ADGRL3: variants seen among roughly 807,000 people sequenced by gnomAD.
ADGRL3 encodes calcium-independent alpha-latrotoxin receptor 3.
ADGRL3 carries 62 observed loss-of-function variants against 153.5 expected under a neutral mutation model. That is an observed-to-expected ratio of 0.40 (90% CI 0.33 to 0.50). The LOEUF (loss-of-function observed/expected upper bound fraction) is 0.50. ADGRL3 is among the 20% of genes least tolerant of loss of function. The pLI is 0.47. For synonymous variants in ADGRL3, 710 were observed against 672.5 expected, an observed-to-expected ratio of 1.06 and a Z score of -0.86; for missense variants, 1,641 against 1,859.4, an observed-to-expected ratio of 0.88 and a Z score of 2.16.
chr4:61,919,890 C>G (rs1474252606), intron 13 of ADGRL3, among the ~76,000 whole-genome samples: 1 of 152,140 alleles, frequency 6.6e-6, no homozygotes, highest in Non-Finnish European at 1.5e-5. Context: ...ACAAATGTTC[C>G]AGCTGCTGTT....
At chr4:61,648,384 C>T (rs114598921) in intron 5 of ADGRL3, among the ~76,000 whole-genome samples, 2,364 of 125,876 alleles carry the variant, frequency 0.019, 63 homozygotes, top group African/African-American at 0.066. Flanking sequence ...TTGAAGACAA[C>T]CCTCAATGAG....
Position 61,400,122 on chromosome 4 carries a change from G to A in ADGRL3, c.-174+16933G>A, listed in dbSNP as rs183871914. 1.8e-3 allele frequency among the ~76,000 whole-genome samples: 273 copies of A among 151,730 alleles called. 2 individuals are homozygous for A. Among genetic ancestry groups the A allele is most frequent in the African/African-American group, 6.4e-3 (264 of 41,482 alleles). On this transcript the variant is annotated intron_variant, in intron 2 of 26. Transcript: ENST00000683033. ...CTGATTAAGAAAAAGGAGAAAAGAGGTTCAGTTGAGTTTTTAAACTGCAGT... is the reference window on the plus strand; with the variant it reads ...CTGATTAAGAAAAAGGAGAAAAGAGATTCAGTTGAGTTTTTAAACTGCAGT...
At chr4:61,805,409 A>G (rs768238445) in intron 8 of ADGRL3, among the ~76,000 whole-genome samples, 3 of 152,186 alleles carry the variant, frequency 2.0e-5, no homozygotes, top group Non-Finnish European at 2.9e-5. Flanking sequence ...CAGCAGGCCA[A>G]CTTCCTTGGC....
At chr4:61,573,255 G>A (rs576563849) in intron 4 of ADGRL3, among the ~76,000 whole-genome samples, 10 of 151,834 alleles carry the variant, frequency 6.6e-5, no homozygotes, top group East Asian at 1.9e-4. Flanking sequence ...GGAAAGTTTC[G>A]TATTTTTCCT....
chr4:61,814,277 T>A (rs1173883561), intron 9 of ADGRL3, among the ~76,000 whole-genome samples: 1 of 151,720 alleles, frequency 6.6e-6, no homozygotes, highest in Non-Finnish European at 1.5e-5. Flanking sequence ...ATTGACAGAT[T>A]TTTTTCCCCT....
intron 8 of ADGRL3, among the ~76,000 whole-genome samples, chr4:61,752,094 C>A (rs959173107): frequency 6.6e-6 from 1 of 152,050 alleles, no homozygotes; most frequent in Admixed American, 6.6e-5. Context: ...AATGTTATAA[C>A]CACTTGGAGA....
At chr4:61,581,255 A>G (rs1316925484) in intron 4 of ADGRL3, among the ~76,000 whole-genome samples, 1 of 151,886 alleles carries the variant, frequency 6.6e-6, no homozygotes, top group African/African-American at 2.4e-5. Context: ...TATTCATGAG[A>G]GGGTGGGAAG....
chr4:61,432,655 T>TCTCTTTC, intron 2 of ADGRL3, among the ~76,000 whole-genome samples: 1 of 58,758 alleles, frequency 1.7e-5, no homozygotes, highest in Non-Finnish European at 3.4e-5. Context: ...TCTTTCTTTC[T>TCTCTTTC]TTTTTTTTTT....
intron 1 of ADGRL3, among the ~76,000 whole-genome samples, chr4:61,369,151 G>C (rs1390569763): frequency 2.0e-5 from 3 of 152,210 alleles, no homozygotes; most frequent in South Asian, 2.1e-4. Flanking sequence ...GGGTTTTCTA[G>C]ATATACAATC....
rs139708646 is a variant in ADGRL3, at chr4:61,497,564, C to T, written c.55+216C>T. Among the ~76,000 whole-genome samples, 165 of 144,886 alleles carry T rather than the reference C, an allele frequency of 1.1e-3. 4 individuals carry two copies. The highest frequency in any genetic ancestry group is 1.2e-4 in the Non-Finnish European group (8 of 66,934). ...AGAGCCTCGCACTGTCACCCAGGCT[C>T]GAGTGCGGTGGCACGATCTCGGCTT... On this transcript the variant is annotated intron_variant, in intron 3 of 26. Coordinates refer to ENST00000683033, the MANE Select transcript of ADGRL3 (RefSeq NM_001387552.1).
chr4:61,355,082 C>G (rs1329711421), intron 1 of ADGRL3, among the ~76,000 whole-genome samples: 1 of 152,060 alleles, frequency 6.6e-6, no homozygotes, highest in African/African-American at 2.4e-5. Flanking sequence ...ACTTCTTATT[C>G]TAAGGCCAGT....
intron 2 of ADGRL3, among the ~76,000 whole-genome samples, chr4:61,456,545 T>C (rs1300019877): frequency 6.8e-6 from 1 of 148,104 alleles, no homozygotes; most frequent in Admixed American, 6.8e-5. Context: ...AGGTGCTCAG[T>C]GACTTACTTA....
chr4:61,855,611 TC>T (rs2098254373), intron 9 of ADGRL3, among the ~76,000 whole-genome samples: 1 of 152,296 alleles, frequency 6.6e-6, no homozygotes, highest in Non-Finnish European at 1.5e-5. Context: ...TTATGTTCTT[TC>T]TGATATCAGC....
intron 25 of ADGRL3, among the ~76,000 whole-genome samples, chr4:62,049,318 C>T (rs1266618902): frequency 6.6e-6 from 1 of 152,092 alleles, no homozygotes; most frequent in Non-Finnish European, 1.5e-5. Flanking sequence ...GCTTGGCTAG[C>T]ATCATGGGTT....
At chr4:61,594,786 G>C (rs1280669240) in intron 5 of ADGRL3, among the ~76,000 whole-genome samples, 1 of 152,142 alleles carries the variant, frequency 6.6e-6, no homozygotes, top group East Asian at 1.9e-4. Flanking sequence ...CCTGGGGAGT[G>C]TCCAGAGATG....
chr4:62,031,435 T>G lies in ADGRL3; in HGVS notation c.3423-7T>G. ...TAATAACCCTTAATTTTCTCTTCTC[T>G]CTACAGGTCATGGGTTATAGGTGCA... On this transcript the variant is annotated splice_region_variant and splice_polypyrimidine_tract_variant and intron_variant, in intron 22 of 26. Transcript: ENST00000683033. 1 of 1,598,984 alleles carries G rather than the reference T, an allele frequency of 6.3e-7. No individual in the cohort carries two copies. Among genetic ancestry groups the G allele is most frequent in the Non-Finnish European group, 8.5e-7 (1 of 1,171,714 alleles).
intron 1 of ADGRL3, among the ~76,000 whole-genome samples, chr4:61,260,291 G>A (rs1440812983): frequency 6.6e-6 from 1 of 152,164 alleles, no homozygotes; most frequent in Non-Finnish European, 1.5e-5. Flanking sequence ...TTTTACTAAA[G>A]TATTTAACCA....
chr4:61,994,947 C>T (rs2099116757), intron 19 of ADGRL3, among the ~76,000 whole-genome samples: 1 of 149,946 alleles, frequency 6.7e-6, no homozygotes, highest in Non-Finnish European at 1.5e-5. Flanking sequence ...GGGTCTCACT[C>T]TGTCACCCAG....
intron 2 of ADGRL3, among the ~76,000 whole-genome samples, chr4:61,494,438 C>G (rs2098291176): frequency 6.6e-6 from 1 of 152,176 alleles, no homozygotes. Context: ...GTTCATGAAT[C>G]TGACAATTGT....
Sources: gnomAD v4.1 joint callset for allele counts (sites outside exome capture counted in the v4.1 genomes callset) on GRCh38, gnomAD v4.1.1 for gene constraint, MANE v1.5 for transcripts, NCBI Gene and HGNC (gene_info 2026-07-23, HGNC 2026-07-21) for gene names.